The following NPRL3 variants were observed in gnomAD, a reference collection of about 807,000 sequenced individuals.
NPRL3 encodes the protein NPR3 like, GATOR1 complex subunit.
In NPRL3, 23 loss-of-function variants were observed where a neutral mutation model predicts 57.2. The ratio of observed to expected loss-of-function variants is 0.40; its 90% CI spans 0.29 to 0.57. NPRL3 has a LOEUF of 0.57. Ranked by LOEUF, NPRL3 falls within the 20% of genes least tolerant of loss-of-function variation. NPRL3 has a pLI of 0.42. For synonymous variants in NPRL3, 333 were observed against 321.1 expected (o/e 1.04, Z -0.39); for missense variants, 691 against 767.1 (o/e 0.90, Z 1.17).
rs35061088 is a variant in NPRL3, at chr16:87,868, CTTTT to C, written c.1544+826_1544+829del. Among the ~76,000 whole-genome samples, 472 of 137,488 alleles carry C rather than the reference CTTTT, an allele frequency of 3.4e-3. 1 individual carries two copies. The highest frequency in any genetic ancestry group is 4.3e-3 in the Admixed American group (59 of 13,878). The allele number at this position is 137,488 out of a possible 152,430, so 90.2% of individuals were successfully genotyped here. On this transcript the variant is annotated intron_variant, in intron 13 of 13. Coordinates refer to ENST00000611875, the MANE Select transcript of NPRL3 (RefSeq NM_001077350.3). ...TACAGGCATGAGCCACCGCGCCTGA[CTTTT>C]TTTTTTTTTTTTTTTAATGTCACCA...
Position 109,915 on chromosome 16 carries a change from T to C in NPRL3, c.629+610A>G, listed in dbSNP as rs554203398. Among the ~76,000 whole-genome samples, 436 of 152,286 alleles carry C rather than the reference T, an allele frequency of 2.9e-3. 3 individuals carry two copies. The highest frequency in any genetic ancestry group is 0.01 in the African/African-American group (426 of 41,560). On this transcript the variant is annotated intron_variant, in intron 7 of 13. Transcript: ENST00000611875. ...ATTGGGAAATATAAGTCCTTAAACA[T>C]AGGAGAGTGATTTGTCTTTTGTGAT...
At chr16:125,849 T>TA (rs943513474) in intron 3 of NPRL3, 3 of 152,060 alleles carry the variant, frequency 2.0e-5, no homozygotes, top group African/African-American at 7.2e-5. Context: ...TGTAGGGCTC[T>TA]AAAAACACAA....
chr16:119,432 G>A, intron 3 of NPRL3, 177 bp from the exon 4 acceptor site: 2 of 623,894 alleles, frequency 3.2e-6, no homozygotes, highest in East Asian at 2.8e-5. Flanking sequence ...AGAGGTTATG[G>A]ATGTAAGATC....
rs909422854 is a variant in NPRL3 at position 128,506 on chromosome 16, C to T, written c.188+2016G>A. On this transcript the variant is annotated intron_variant, in intron 3 of 13. Coordinates refer to ENST00000611875, the MANE Select transcript of NPRL3 (RefSeq NM_001077350.3). ...GACACGGGCCGGGCGCGGTGGCTCA[C>T]GCCTGTAATCCCAGCACTTTGGGAG... Among the ~76,000 whole-genome samples, 9 of 152,316 alleles carry T rather than the reference C, an allele frequency of 5.9e-5. 1 individual carries two copies. In the South Asian group the frequency reaches 1.0e-3, roughly 18 times the overall value.
chr16:100,632 C>T, intron 7 of NPRL3, 123 bp from the exon 8 acceptor site: 1 of 978,512 alleles, frequency 1.0e-6, no homozygotes, highest in Non-Finnish European at 1.4e-6. Flanking sequence ...AGGTGGAGAC[C>T]CGGGCAGGAG....
At chr16:109,758 T>C (rs1236940503) in intron 7 of NPRL3, among the ~76,000 whole-genome samples, 1 of 152,196 alleles carries the variant, frequency 6.6e-6, no homozygotes, top group Non-Finnish European at 1.5e-5. Context: ...ATTGTGGATC[T>C]TAACCAGTAT....
intron 7 of NPRL3, 50 bp downstream of exon 7, chr16:110,475 G>C: frequency 6.9e-7 from 1 of 1,457,160 alleles, no homozygotes; most frequent in Middle Eastern, 1.7e-4. Flanking sequence ...TCAGGCCCAG[G>C]CAGGCTGGCC....
intron 3 of NPRL3, among the ~76,000 whole-genome samples, chr16:123,003 C>T (rs1370222771): frequency 6.6e-6 from 1 of 152,222 alleles, no homozygotes; most frequent in East Asian, 1.9e-4. Flanking sequence ...TCCATGAGAA[C>T]ATTTCTGCCT....
chr16:138,531 TAGGGCAGGG>T, intron 1 of NPRL3, 102 bp downstream of exon 1: 4 of 322 alleles, frequency 0.012, 2 homozygotes, highest in Non-Finnish European at 0.013. Context: ...GGGGCCTGAG[TAGGGCAGGG>T]GTGGAGGCGG....
At chr16:136,056 T>C (rs1297957587) in intron 2 of NPRL3, among the ~76,000 whole-genome samples, 1 of 152,114 alleles carries the variant, frequency 6.6e-6, no homozygotes, top group Admixed American at 6.5e-5. Flanking sequence ...GATTGAAAAA[T>C]CTAACCTATT....
At chr16:119,381 C>T (rs1900190869) in intron 3 of NPRL3, 126 bp from the exon 4 acceptor site, 3 of 879,112 alleles carry the variant, frequency 3.4e-6, no homozygotes, top group Non-Finnish European at 5.2e-6. Context: ...GCCCCGACTG[C>T]TGGTGGAAGC....
Position 100,481 on chromosome 16 carries a change from G to A in NPRL3, c.658C>T (p.His220Tyr), listed in dbSNP as rs1226289044. The change falls in exon 8 of 14, where the codon CAC (histidine) becomes TAC (tyrosine). Residue 220 changes from histidine to tyrosine, a missense_variant. His to Tyr is a moderately conservative substitution (Grantham distance 83). Coordinates refer to ENST00000611875, the MANE Select transcript of NPRL3 (RefSeq NM_001077350.3). ...CTCACCTCCAGCCAGCTGTTGATGT[G>A]AAGCCGAACTACGCCCGACGTGCAC... The part of the protein sequence containing the change: ...SLCTSGVVRL[H>Y]INSWLEVSFC... The A allele has an allele frequency of 6.3e-7, 1 of 1,597,008 alleles. No individual in the cohort carries two copies. The highest frequency in any genetic ancestry group is 1.8e-5 in the Admixed American group (1 of 55,898).
intron 5 of NPRL3, among the ~76,000 whole-genome samples, chr16:113,724 G>A (rs1202440000): frequency 6.6e-6 from 1 of 152,156 alleles, no homozygotes; most frequent in African/African-American, 2.4e-5. Flanking sequence ...TACAACCTCT[G>A]GTGCTGCCTC....
At chr16:135,080 G>A (rs1057060064) in intron 2 of NPRL3, among the ~76,000 whole-genome samples, 19 of 152,306 alleles carry the variant, frequency 1.2e-4, no homozygotes, top group African/African-American at 2.9e-4. Flanking sequence ...CCAAGTAAAC[G>A]TGAGAATTTA....
rs3176434 is a variant in NPRL3 at position 85,915 on chromosome 16, G to T, written c.*790C>A. On this transcript the variant is annotated 3_prime_UTR_variant, in exon 14 of 14. Transcript: ENST00000611875. ...GGAGCTAGCTCTTCCTCCAGGACAC[G>T]AGAGCTGGGGGCCTGAGTACGTAGC... The T allele has an allele frequency of 1.9e-6, 2 of 1,038,310 alleles. No individual in the cohort carries two copies. Among genetic ancestry groups the T allele is most frequent in the South Asian group, 6.1e-5 (2 of 32,980 alleles). 64.3% of individuals were successfully genotyped at this position (1,038,310 alleles called of 1,614,324 possible).
intron 7 of NPRL3, among the ~76,000 whole-genome samples, chr16:103,237 G>A (rs911192269): frequency 1.4e-5 from 2 of 146,348 alleles, no homozygotes; most frequent in Non-Finnish European, 1.5e-5. Context: ...GATCTCCCAG[G>A]CTCAAGACAA....
At chr16:125,293 G>T (rs955614363) in intron 3 of NPRL3, among the ~76,000 whole-genome samples, 3 of 152,098 alleles carry the variant, frequency 2.0e-5, no homozygotes, top group Non-Finnish European at 2.9e-5. Context: ...GATGTTTCAT[G>T]GATTTTCCCA....
At position 100,439 on chromosome 16, in the gene NPRL3, T is replaced by C. The variant is rs1899230843; in HGVS notation, c.700A>G (p.Lys234Glu). 6.2e-7 allele frequency: 1 copy of C among 1,605,822 alleles called. No homozygotes were observed. The highest frequency in any genetic ancestry group is 1.3e-5 in the African/African-American group (1 of 74,298). Residue 234 changes from lysine (K) to glutamate (E), a missense_variant, in exon 8 of 14, where the codon AAG becomes GAG. Transcript: ENST00000611875. The stretch of plus-strand genomic sequence containing the variant: ...AGACTGGAGGCCGCATAGTGGATCT[T>C]GTGGGGCAGGCAGAAGCTCACCTCC... Reference protein sequence around the residue: ...WLEVSFCLPHKIHYAASSLIP... With the variant: ...WLEVSFCLPHEIHYAASSLIP...
rs369674341 is a variant in NPRL3, at chr16:118,311, C to T, written c.318+815G>A. ...ACTGGCAGGCTCTGGTGTACAAGTT[C>T]CCTTCATCCTGCTAACAAGATGAGT... is the stretch of plus-strand genomic sequence containing the variant. On this transcript the variant is annotated intron_variant, in intron 4 of 13. Coordinates refer to ENST00000611875, the MANE Select transcript of NPRL3 (RefSeq NM_001077350.3). 5.8e-4 allele frequency among the ~76,000 whole-genome samples: 88 copies of T among 152,328 alleles called. No individual in the cohort carries two copies. In the East Asian group the frequency reaches 0.015, roughly 26 times the overall value.
Sources: allele counts gnomAD v4.1 joint callset (sites outside exome capture counted in the v4.1 genomes callset), GRCh38; gene constraint gnomAD v4.1.1; transcripts MANE v1.5; gene names NCBI Gene and HGNC (gene_info 2026-07-23, HGNC 2026-07-21).